The following KIAA0825 variants were observed in gnomAD, a reference collection of about 807,000 sequenced individuals.
The protein encoded by KIAA0825 is uncharacterized protein KIAA0825.
Under a neutral mutation model 147.6 loss-of-function variants are expected in KIAA0825, and 119 were observed. That is an observed-to-expected ratio of 0.81 (90% confidence interval 0.69 to 0.94). The LOEUF is 0.94. Among genes scored for constraint, KIAA0825 ranks in the 40% least tolerant of loss-of-function variants. The probability of loss-of-function intolerance (pLI) is 0.00; values close to 1 mark genes in which losing one functional copy is unlikely to be tolerated. For synonymous variants in KIAA0825, 470 were observed against 518.1 expected, an observed-to-expected ratio of 0.91 and a Z score of 1.26; for missense variants, 1,381 against 1,472.7, an observed-to-expected ratio of 0.94 and a Z score of 1.02.
At chr5:94,397,399 T>G (rs895160293) in intron 16 of KIAA0825, among the ~76,000 whole-genome samples, 7 of 152,222 alleles carry the variant, frequency 4.6e-5, no homozygotes, top group Admixed American at 1.3e-4. Flanking sequence ...TGGTGCTATT[T>G]CACATTTATG....
chr5:94,440,585 T>G (rs2150841804), intron 13 of KIAA0825, among the ~76,000 whole-genome samples: 1 of 152,288 alleles, frequency 6.6e-6, no homozygotes, highest in South Asian at 2.1e-4. Flanking sequence ...AATCAAAGCT[T>G]CTGTCAAGGG....
chr5:94,290,114 A>C (rs1777821769), intron 20 of KIAA0825, among the ~76,000 whole-genome samples: 1 of 152,090 alleles, frequency 6.6e-6, no homozygotes, highest in African/African-American at 2.4e-5. Flanking sequence ...AGGCAATAAG[A>C]GAGTAGGTAC....
intron 20 of KIAA0825, among the ~76,000 whole-genome samples, chr5:94,164,500 C>T (rs1767858937): frequency 6.6e-6 from 1 of 151,946 alleles, no homozygotes; most frequent in Admixed American, 6.6e-5. Flanking sequence ...CAACCTCTGC[C>T]TCCCAGGTTC....
chr5:94,403,368 C>T (rs1209895096), intron 16 of KIAA0825, among the ~76,000 whole-genome samples: 1 of 152,068 alleles, frequency 6.6e-6, no homozygotes, highest in African/African-American at 2.4e-5. Context: ...AAGACTATGA[C>T]CATTTGAATA....
intron 2 of KIAA0825, among the ~76,000 whole-genome samples, chr5:94,562,722 C>T (rs1584896991): frequency 6.6e-6 from 1 of 152,100 alleles, no homozygotes; most frequent in South Asian, 2.1e-4. Flanking sequence ...CTCCTTGTTG[C>T]GTGCAGATTG....
At chr5:94,385,934 G>A (rs982965566) in intron 19 of KIAA0825, among the ~76,000 whole-genome samples, 2 of 152,144 alleles carry the variant, frequency 1.3e-5, no homozygotes, top group South Asian at 4.1e-4. Flanking sequence ...AGGGAGGAAA[G>A]GAATGTTACA....
intron 20 of KIAA0825, among the ~76,000 whole-genome samples, chr5:94,224,013 A>T (rs1158156769): frequency 6.8e-6 from 1 of 147,104 alleles, no homozygotes; most frequent in East Asian, 2.0e-4. Context: ...ATGGTTAATT[A>T]TTCAAAATGA....
rs141251545 is a variant in KIAA0825, at chr5:94,477,230, C to G, written c.1133-25G>C. 1.4e-3 allele frequency: 1,924 copies of G among 1,361,972 alleles called. 2 individuals are homozygous for G. Among genetic ancestry groups the G allele is most frequent in the Non-Finnish European group, 1.9e-3 (1,867 of 977,892 alleles). 84.4% of individuals were successfully genotyped at this position (1,361,972 alleles called of 1,614,324 possible). A position where few individuals can be genotyped will look rare whatever the true frequency, so the allele number is the denominator to read the frequency against. On this transcript the variant is annotated intron_variant, in intron 6 of 20. Transcript: ENST00000682413. Reference sequence around the variant, plus strand: ...CCTAAGCAATAGAAAAGAAAACAAACACACTAATATATATTGTTTAAAAAG... The same window carrying G: ...CCTAAGCAATAGAAAAGAAAACAAAGACACTAATATATATTGTTTAAAAAG...
chr5:94,272,373 TA>T (rs1777032611), intron 20 of KIAA0825, among the ~76,000 whole-genome samples: 1 of 152,066 alleles, frequency 6.6e-6, no homozygotes, highest in African/African-American at 2.4e-5. Flanking sequence ...AAAGAAAGGA[TA>T]AATGCTTGAG....
Position 94,484,828 on chromosome 5 carries a change from C to A in KIAA0825, c.1073G>T (p.Gly358Val), listed in dbSNP as rs761342402. Reference sequence around the variant, plus strand: ...TATTTCGTCAAACAATTCTTGAACACCTTTTTCCAGTTTCATAAAGGATTT... The same window carrying A: ...TATTTCGTCAAACAATTCTTGAACAACTTTTTCCAGTTTCATAAAGGATTT... ...LIKSFMKLEK[G>V]VQELFDEILL... The change falls in exon 6 of 21, where the codon GGT becomes GTT. Residue 358 changes from glycine to valine, a missense_variant. Physicochemically the swap from Gly to Val is moderately radical, Grantham distance 109 (BLOSUM62 -3). Coordinates refer to ENST00000682413, the MANE Select transcript of KIAA0825 (RefSeq NM_001145678.3). 4.6e-6 allele frequency: 7 copies of A among 1,530,474 alleles called. No homozygotes were observed. The highest frequency in any genetic ancestry group is 3.7e-5 in the South Asian group (3 of 81,480). The allele number at this position is 1,530,474 out of a possible 1,614,324, so 94.8% of individuals were successfully genotyped here. A position where few individuals can be genotyped will look rare whatever the true frequency, so the allele number is the denominator to read the frequency against.
At chr5:94,156,297 A>G (rs187052455) in intron 20 of KIAA0825, among the ~76,000 whole-genome samples, 18 of 152,300 alleles carry the variant, frequency 1.2e-4, no homozygotes, top group African/African-American at 4.3e-4. Flanking sequence ...AGTACTGTCA[A>G]AAAGTTTAAA....
At chr5:94,194,378 C>T (rs566592065) in intron 20 of KIAA0825, among the ~76,000 whole-genome samples, 11 of 152,184 alleles carry the variant, frequency 7.2e-5, no homozygotes, top group African/African-American at 2.6e-4. Context: ...TATGCTTTCT[C>T]CCCTCTCTCT....
chr5:94,331,064 G>A (rs1227700899), intron 20 of KIAA0825, among the ~76,000 whole-genome samples: 8 of 151,940 alleles, frequency 5.3e-5, no homozygotes. Flanking sequence ...CTGGAACCTG[G>A]GAGGCAGAAG....
chr5:94,532,806 A>T (rs1009853523), intron 3 of KIAA0825, among the ~76,000 whole-genome samples: 2 of 149,236 alleles, frequency 1.3e-5, no homozygotes, highest in African/African-American at 2.5e-5. Flanking sequence ...AAGTATTGAG[A>T]TTACATCTTT....
intron 20 of KIAA0825, among the ~76,000 whole-genome samples, chr5:94,221,918 A>G (rs1187675366): frequency 1.2e-4 from 19 of 152,130 alleles, no homozygotes. Flanking sequence ...TAGATACTGC[A>G]TCAAGGCCCA....
intron 20 of KIAA0825, among the ~76,000 whole-genome samples, chr5:94,343,566 G>T (rs1158392498): frequency 6.6e-6 from 1 of 152,076 alleles, no homozygotes; most frequent in African/African-American, 2.4e-5. Flanking sequence ...GCGGGCGCCT[G>T]TAGTCCCAGC....
chr5:94,278,580 C>CCTT (rs1337732428), intron 20 of KIAA0825, among the ~76,000 whole-genome samples: 1 of 152,026 alleles, frequency 6.6e-6, no homozygotes, highest in Non-Finnish European at 1.5e-5. Context: ...GTTGAGTTAG[C>CCTT]CTTTTTCTTA....
intron 16 of KIAA0825, 64 bp downstream of exon 16, chr5:94,403,501 CTTGA>C: frequency 8.5e-7 from 1 of 1,178,520 alleles, no homozygotes; most frequent in Admixed American, 2.3e-5. Context: ...TAGAATTTTA[CTTGA>C]TTACATACCC....
intron 20 of KIAA0825, among the ~76,000 whole-genome samples, chr5:94,325,967 G>T (rs1199019806): frequency 6.6e-6 from 1 of 151,468 alleles, no homozygotes; most frequent in Admixed American, 6.6e-5. Context: ...CATAACAAAG[G>T]TAATAATACT....
Sources: allele counts gnomAD v4.1 joint callset (sites outside exome capture counted in the v4.1 genomes callset), GRCh38; gene constraint gnomAD v4.1.1; transcripts MANE v1.5; gene names NCBI Gene and HGNC (gene_info 2026-07-23, HGNC 2026-07-21).